Variants in RNF126 observed in about 807,000 individuals in gnomAD.
RNF126 encodes the protein ring finger protein 126.
RNF126 carries 20 observed loss-of-function variants against 41.9 expected under a neutral mutation model. That is an observed-to-expected ratio of 0.48 (90% CI 0.34 to 0.69). The LOEUF (loss-of-function observed/expected upper bound fraction) is 0.69, where lower values mean the gene tolerates loss of function less well. RNF126 is among the 30% of genes least tolerant of loss of function. RNF126 has a pLI of 0.01. For missense variants in RNF126, 433 were observed against 460.6 expected, an observed-to-expected ratio of 0.94 and a Z score of 0.55; for synonymous variants, 239 against 202.9, an observed-to-expected ratio of 1.18 and a Z score of -1.51.
chr19:650,444 G>A (rs1203612766), intron 4 of RNF126, 148 bp from the exon 5 acceptor site: 3 of 681,364 alleles, frequency 4.4e-6, no homozygotes, highest in Non-Finnish European at 7.4e-6. Flanking sequence ...ATGAGCCAGG[G>A]TCTCACTCTA....
rs1277140825 is a variant in RNF126, at chr19:652,903, G to C, written c.76-19C>G. ...TATAATCCTGCAGGAGAGAACAGGAGGCCGGGTCACGGTGACGCCGGCATC... is the reference window on the plus strand; with the variant it reads ...TATAATCCTGCAGGAGAGAACAGGACGCCGGGTCACGGTGACGCCGGCATC... On this transcript the variant is annotated intron_variant, in intron 1 of 8. Transcript: ENST00000292363. 3 of 1,610,804 alleles carry C rather than the reference G, an allele frequency of 1.9e-6. No individual in the cohort carries two copies. The highest frequency in any genetic ancestry group is 1.7e-5 in the Admixed American group (1 of 59,818).
Position 649,681 on chromosome 19 carries a change from G to A in RNF126, c.574C>T (p.Gln192Ter). ...GANGLDAIIT[Q>*]LLNQFENTGP... ...TCTGGGCCGTGGCCACGCTGTACCT[G>A]TGTGATGATGGCATCCAGGCCGTTG... Residue 192 changes from glutamine to a stop codon, truncating the protein, a stop_gained and splice_region_variant, in exon 6 of 9, where the codon CAG becomes TAG. Coordinates refer to ENST00000292363, the MANE Select transcript of RNF126 (RefSeq NM_194460.3). LOFTEE classifies it high-confidence loss of function. 6.4e-7 allele frequency: 1 copy of A among 1,563,890 alleles called. No individual in the cohort carries two copies. Among genetic ancestry groups the A allele is most frequent in the Non-Finnish European group, 8.7e-7 (1 of 1,152,864 alleles).
intron 1 of RNF126, among the ~76,000 whole-genome samples, chr19:653,332 G>A (rs879898662): frequency 2.0e-4 from 31 of 152,292 alleles, no homozygotes; most frequent in South Asian, 8.3e-4. Flanking sequence ...CCACGTCCAC[G>A]CTGGCCACAC....
intron 1 of RNF126, among the ~76,000 whole-genome samples, chr19:662,512 G>C (rs2144781527): frequency 6.6e-6 from 1 of 152,220 alleles, no homozygotes; most frequent in East Asian, 1.9e-4. Flanking sequence ...CTGCCTCCAA[G>C]GCGGCGGCCA....
intron 2 of RNF126, 198 bp from the exon 3 acceptor site, chr19:652,494 G>A (rs927698776): frequency 2.0e-5 from 12 of 599,482 alleles, no homozygotes; most frequent in Non-Finnish European, 2.9e-5. Flanking sequence ...TCGATAAACC[G>A]GTGCAGACCC....
At chr19:651,125 A>G (rs1031810292) in intron 4 of RNF126, among the ~76,000 whole-genome samples, 21 of 147,426 alleles carry the variant, frequency 1.4e-4, no homozygotes, top group East Asian at 1.2e-3. Flanking sequence ...CGGCTCCCCC[A>G]GGCTCTGTTC....
rs2030725145 is a variant in RNF126 at position 659,942 on chromosome 19, T to C, written c.75+3105A>G. The stretch of plus-strand genomic sequence containing the variant: ...CCACGCCTGGCCAATCTTTTGTATT[T>C]TTAGTAGGGATGGGGTTTTACCATG... On this transcript the variant is annotated intron_variant, in intron 1 of 8. Transcript: ENST00000292363. The surrounding 1 kb of genome is among the most constrained non-coding windows in gnomAD (Gnocchi z 4.9). Among the ~76,000 whole-genome samples the C allele has an allele frequency of 6.6e-6, 1 of 152,064 alleles. No individual in the cohort carries two copies. The highest frequency in any genetic ancestry group is 1.5e-5 in the Non-Finnish European group (1 of 67,986).
At chr19:651,556 G>A (rs972401972) in intron 4 of RNF126, 55 bp downstream of exon 4, 3 of 1,375,560 alleles carry the variant, frequency 2.2e-6, no homozygotes, top group Non-Finnish European at 2.8e-6. Flanking sequence ...CTAAGCGCCA[G>A]AACTTCCGAC....
intron 1 of RNF126, 81 bp from the exon 2 acceptor site, chr19:652,965 T>C (rs1463701457): frequency 7.5e-7 from 1 of 1,338,966 alleles, no homozygotes; most frequent in Non-Finnish European, 1.1e-6. Flanking sequence ...ACAGAGGGGC[T>C]CCGGACCCAG....
rs1191702218 is a variant in RNF126 at position 649,764 on chromosome 19, G to A, written c.507-16C>T. Reference sequence around the variant, plus strand: ...CAGGACTCCCCTGGAGGTGGAAGGTGGGGTTCAAGTGGCTGACGGGCAGCT... The same window carrying A: ...CAGGACTCCCCTGGAGGTGGAAGGTAGGGTTCAAGTGGCTGACGGGCAGCT... On this transcript the variant is annotated splice_polypyrimidine_tract_variant and intron_variant, in intron 5 of 8. Transcript: ENST00000292363. 9.6e-5 allele frequency: 149 copies of A among 1,556,884 alleles called. No homozygotes were observed. Among genetic ancestry groups the A allele is most frequent in the Non-Finnish European group, 1.3e-4 (146 of 1,148,838 alleles).
chr19:663,194 C>G lies in RNF126; in HGVS notation c.-73G>C. ...CCGCCGGCCGTTTGCTGCTCCCTCG[C>G]CGGCCGACGCGCCCGCGCACGCTCA... On this transcript the variant is annotated 5_prime_UTR_variant, in exon 1 of 9. Coordinates refer to ENST00000292363, the MANE Select transcript of RNF126 (RefSeq NM_194460.3). 1 of 564,288 alleles carries G rather than the reference C, an allele frequency of 1.8e-6. No individual in the cohort carries two copies. The allele number at this position is 564,288 out of a possible 1,614,324, so 35.0% of individuals were successfully genotyped here.
intron 4 of RNF126, among the ~76,000 whole-genome samples, chr19:651,123 C>T (rs779289241): frequency 1.8e-4 from 26 of 147,342 alleles, no homozygotes; most frequent in Non-Finnish European, 2.7e-4. Context: ...GACGGCTCCC[C>T]CAGGCTCTGT....
intron 1 of RNF126, among the ~76,000 whole-genome samples, chr19:653,550 C>T (rs978646371): frequency 2.0e-5 from 3 of 152,230 alleles, no homozygotes; most frequent in Admixed American, 6.5e-5. Context: ...CACACTGCAA[C>T]GGGATCCCCA....
chr19:654,915 C>T (rs372566197), intron 1 of RNF126, among the ~76,000 whole-genome samples: 4 of 151,428 alleles, frequency 2.6e-5, no homozygotes, highest in East Asian at 3.9e-4. Flanking sequence ...TGCAACGAGC[C>T]GAGATCATGA....
chr19:650,258 G>T lies in RNF126; in HGVS notation c.482C>A (p.Ala161Asp). ...QQLVNGIITP[A>D]TIPSLGPWGV... is the part of the protein sequence containing the mutation. The stretch of plus-strand genomic sequence containing the variant: ...CCAGGGGCCCAGGCTGGGGATGGTG[G>T]CGGGCGTGATGATGCCGTTGACGAG... Residue 161 changes from alanine to aspartate, a missense_variant, in exon 5 of 9, where the codon GCC becomes GAC. Transcript: ENST00000292363. 1 of 1,581,118 alleles carries T rather than the reference G, an allele frequency of 6.3e-7. No individual in the cohort carries two copies. Among genetic ancestry groups the T allele is most frequent in the Non-Finnish European group, 8.6e-7 (1 of 1,165,216 alleles).
In RNF126 at chr19:651,820, G is replaced by A. The variant is rs892552234; in HGVS notation, c.234C>T (p.Gly78=). ...VDQHLFTLPQ[G]YGQFAFGIFD... ...AGATGCCGAAAGCAAACTGTCCGTA[G>A]CCCTGCGGCAGCGTGAACAGGTGCT... Residue 78 remains glycine, a synonymous_variant, in exon 4 of 9, where the codon GGC becomes GGT. Transcript: ENST00000292363. The A allele has an allele frequency of 1.2e-6, 2 of 1,612,368 alleles. No homozygotes were observed. The highest frequency in any genetic ancestry group is 8.5e-7 in the Non-Finnish European group (1 of 1,179,700).
At position 651,695 on chromosome 19, in the gene RNF126, T is replaced by G. The variant is rs372448035; in HGVS notation, c.359A>C (p.His120Pro). 1 of 1,596,822 alleles carries G rather than the reference T, an allele frequency of 6.3e-7. No homozygotes were observed. The highest frequency in any genetic ancestry group is 8.5e-7 in the Non-Finnish European group (1 of 1,173,146). ...GCGGGGCTGTCGGGCGCCGTACCGG[T>G]GCCGGGACGGATGGTCTCTCTCCCG... ...SRRERDHPSR[H>P]RYGARQPRAR... The change falls in exon 4 of 9, where the codon CAC (histidine) becomes CCC (proline). Residue 120 changes from histidine to proline, a missense_variant. By Grantham distance (77) the His-to-Pro change is moderately conservative (BLOSUM62 -2). Transcript: ENST00000292363.
intron 1 of RNF126, among the ~76,000 whole-genome samples, chr19:658,542 CCA>C (rs1388133607): frequency 6.6e-6 from 1 of 152,140 alleles, no homozygotes; most frequent in East Asian, 1.9e-4. Context: ...CCCGGCTGAT[CCA>C]CAGTGTGTGG....
At position 659,071 on chromosome 19, in the gene RNF126, G is replaced by A. The variant is rs928042671; in HGVS notation, c.75+3976C>T. ...GTTCACAGGGTGCTGCAGGGAGCCC[G>A]TTCCGGAGAACCCAGCTGTGCAGAG... On this transcript the variant is annotated intron_variant, in intron 1 of 8. Transcript: ENST00000292363. This position sits in a 1 kb window ranked among gnomAD's most constrained non-coding sequence, Gnocchi z 4.9. Among the ~76,000 whole-genome samples the A allele has an allele frequency of 2.6e-5, 4 of 152,204 alleles. No homozygotes were observed. Among genetic ancestry groups the A allele is most frequent in the Non-Finnish European group, 4.4e-5 (3 of 68,022 alleles).
Sources: allele counts gnomAD v4.1 joint callset (sites outside exome capture counted in the v4.1 genomes callset), GRCh38; gene constraint gnomAD v4.1.1; non-coding constraint Gnocchi (gnomAD v3.1); transcripts MANE v1.5; gene names NCBI Gene and HGNC (gene_info 2026-07-23, HGNC 2026-07-21).